Variants in DST observed in about 807,000 individuals in gnomAD.
The protein encoded by DST is bullous pemphigoid antigen.
DST carries 253 observed loss-of-function variants against 875.2 expected under a neutral mutation model. The observed-to-expected ratio is 0.29, with a 90% CI of 0.26 to 0.32. The LOEUF is 0.32. Ranked by LOEUF, DST falls within the 10% of genes least tolerant of loss-of-function variation. The pLI, the probability that DST is intolerant of heterozygous loss-of-function variation, is 1.00. For synonymous variants in DST, 3,124 were observed against 3,197.1 expected (o/e 0.98, Z 0.77); for missense variants, 8,287 against 9,111.6 (o/e 0.91, Z 3.68).
chr6:56,911,790 A>G (rs1456267674), intron 2 of DST, among the ~76,000 whole-genome samples: 1 of 152,202 alleles, frequency 6.6e-6, no homozygotes, highest in Non-Finnish European at 1.5e-5. Flanking sequence ...TCCTTTAAAG[A>G]GCTTAAAGTG....
intron 8 of DST, among the ~76,000 whole-genome samples, chr6:56,700,541 C>T (rs1468558049): frequency 1.3e-5 from 2 of 152,040 alleles, no homozygotes; most frequent in African/African-American, 4.8e-5. Context: ...TATCAATGTG[C>T]CATAAATATA....
chr6:56,796,474 G>A (rs1390084989), intron 4 of DST, among the ~76,000 whole-genome samples: 1 of 152,152 alleles, frequency 6.6e-6, no homozygotes, highest in Non-Finnish European at 1.5e-5. Flanking sequence ...TCTTCTTCCA[G>A]AGAGGAAATC....
chr6:56,913,999 G>A (rs1020411316), intron 2 of DST, among the ~76,000 whole-genome samples: 1 of 152,150 alleles, frequency 6.6e-6, no homozygotes, highest in African/African-American at 2.4e-5. Context: ...TAGGGATAAA[G>A]TCATTAGCCA....
intron 55 of DST, 118 bp downstream of exon 55, chr6:56,568,351 C>A: frequency 8.8e-7 from 1 of 1,131,146 alleles, no homozygotes; most frequent in Admixed American, 2.7e-5. Flanking sequence ...TTTCTTGTCA[C>A]TTTCACTTTG....
intron 4 of DST, among the ~76,000 whole-genome samples, chr6:56,818,847 TG>T (rs2099769719): frequency 6.6e-6 from 1 of 152,158 alleles, no homozygotes; most frequent in African/African-American, 2.4e-5. Context: ...CCATAGGAAC[TG>T]GTTTCCTACC....
intron 4 of DST, among the ~76,000 whole-genome samples, chr6:56,744,149 C>CA (rs1197086753): frequency 0.038 from 2,213 of 58,278 alleles, 24 homozygotes; most frequent in Middle Eastern, 0.11. Context: ...AACTCTGTCT[C>CA]AAAAAAAAAA....
intron 58 of DST, among the ~76,000 whole-genome samples, 186 bp from the exon 59 acceptor site, chr6:56,557,704 C>A (rs1227848728): frequency 2.6e-5 from 4 of 152,036 alleles, no homozygotes; most frequent in African/African-American, 9.7e-5. Flanking sequence ...TGTATGTCAA[C>A]TAAAGTATAG....
At chr6:56,603,107 G>C in intron 42 of DST, 76 bp from the exon 43 acceptor site, 2 of 1,542,674 alleles carry the variant, frequency 1.3e-6, no homozygotes, top group Non-Finnish European at 1.8e-6. Flanking sequence ...TGTGGTTTAA[G>C]AGTTAGCACT....
rs756137854 is a variant in DST, at chr6:56,464,738, T to A, written c.22706A>T (p.Lys7569Ile). Residue 7569 changes from lysine to isoleucine, a missense_variant, in exon 100 of 104, where the codon AAA (lysine) becomes ATA (isoleucine). Coordinates refer to ENST00000680361, the MANE Select transcript of DST (RefSeq NM_001374736.1). ...DPCRVHHHGS[K>I]MLRSESNSSI... ...AGAGTTTGATTCCGAACGTAACATT[T>A]TACTCCCATGATGATGAACTAGAAA... is the stretch of plus-strand genomic sequence containing the variant. 6.3e-7 allele frequency: 1 copy of A among 1,597,818 alleles called. No individual in the cohort carries two copies. The highest frequency in any genetic ancestry group is 1.1e-5 in the South Asian group (1 of 87,870).
intron 69 of DST, among the ~76,000 whole-genome samples, chr6:56,519,334 C>T (rs761263340): frequency 3.3e-5 from 5 of 152,162 alleles, no homozygotes; most frequent in Admixed American, 6.6e-5. Context: ...GCTCCACTCA[C>T]ACTCATGCCA....
intron 2 of DST, among the ~76,000 whole-genome samples, chr6:56,948,799 A>G (rs904159560): frequency 6.6e-6 from 1 of 152,224 alleles, no homozygotes; most frequent in East Asian, 1.9e-4. Flanking sequence ...ATTTACGCTA[A>G]TGATGCTTTT....
intron 3 of DST, among the ~76,000 whole-genome samples, chr6:56,880,526 A>G (rs1781591539): frequency 6.6e-6 from 1 of 151,962 alleles, no homozygotes; most frequent in Non-Finnish European, 1.5e-5. Flanking sequence ...TGTCTCTACT[A>G]AAAATACAAA....
chr6:56,629,625 ACT>A (rs1264265229), intron 31 of DST, among the ~76,000 whole-genome samples, 182 bp from the exon 32 acceptor site: 4 of 152,276 alleles, frequency 2.6e-5, no homozygotes, highest in South Asian at 4.1e-4. Flanking sequence ...CAATATTTGT[ACT>A]CTGATTTTTT....
chr6:56,482,306 A>G (rs2095429005), intron 89 of DST, 128 bp from the exon 90 acceptor site: 5 of 1,030,136 alleles, frequency 4.9e-6, no homozygotes, highest in African/African-American at 4.8e-5. Flanking sequence ...TAATTGCTTC[A>G]TTACTCCCAT....
chr6:56,634,679 A>G lies in DST; in HGVS notation c.3340-63T>C, dbSNP rs909308219. 6 of 1,608,920 alleles carry G rather than the reference A, an allele frequency of 3.7e-6. No homozygotes were observed. In the Admixed American group the frequency reaches 8.3e-5, roughly 22 times the overall value. ...CACTGTTAACTGTTTTCCATACTCA[A>G]TCCTGGGATTTTTTTTGTTTTATGA... On this transcript the variant is annotated intron_variant, in intron 25 of 103. Coordinates refer to ENST00000680361, the MANE Select transcript of DST (RefSeq NM_001374736.1).
chr6:56,612,906 T>C (rs1442739553), intron 37 of DST, among the ~76,000 whole-genome samples: 1 of 152,118 alleles, frequency 6.6e-6, no homozygotes, highest in Non-Finnish European at 1.5e-5. Context: ...GGCATGTGTC[T>C]GCAGTCCAGC....
intron 4 of DST, among the ~76,000 whole-genome samples, chr6:56,776,073 A>C (rs1468140950): frequency 6.6e-6 from 1 of 152,232 alleles, no homozygotes; most frequent in African/African-American, 2.4e-5. Context: ...GTGACAAGTC[A>C]TGTGGGTAGC....
intron 4 of DST, among the ~76,000 whole-genome samples, chr6:56,827,097 G>A (rs2099781430): frequency 6.6e-6 from 1 of 152,140 alleles, no homozygotes; most frequent in Admixed American, 6.5e-5. Context: ...CTAATGGCCT[G>A]TGCTATAGAA....
At chr6:56,611,133 T>C (rs929615794) in intron 38 of DST, among the ~76,000 whole-genome samples, 3 of 152,260 alleles carry the variant, frequency 2.0e-5, no homozygotes, top group Middle Eastern at 3.4e-3. Context: ...GAGGCTGCCA[T>C]AGGTCTCAGC....
Sources: gnomAD v4.1 joint callset for allele counts (sites outside exome capture counted in the v4.1 genomes callset) on GRCh38, gnomAD v4.1.1 for gene constraint, MANE v1.5 for transcripts, NCBI Gene and HGNC (gene_info 2026-07-23, HGNC 2026-07-21) for gene names.